The following SLC44A5 variants were observed in gnomAD, a reference collection of about 807,000 sequenced individuals.
The protein encoded by SLC44A5 is solute carrier family 44 member 5.
SLC44A5 carries 57 observed loss-of-function variants against 101.8 expected under a neutral mutation model. The observed-to-expected ratio is 0.56, with a 90% CI of 0.45 to 0.70. The LOEUF (loss-of-function observed/expected upper bound fraction) is 0.70. Ranked by LOEUF, SLC44A5 falls within the 30% of genes least tolerant of loss-of-function variation. The pLI is 0.00. For missense variants in SLC44A5, 737 were observed against 853.1 expected, an observed-to-expected ratio of 0.86 and a Z score of 1.70; for synonymous variants, 281 against 290.9, an observed-to-expected ratio of 0.97 and a Z score of 0.35.
At chr1:75,526,297 C>G (rs994537437) in intron 2 of SLC44A5, among the ~76,000 whole-genome samples, 1 of 152,230 alleles carries the variant, frequency 6.6e-6, no homozygotes, top group Admixed American at 6.5e-5. Context: ...CAGTAACTAA[C>G]TTCCTTCTAG....
At chr1:75,647,828 A>G in the SLC44A5 span, among the ~76,000 whole-genome samples, 1 of 152,214 alleles carries the variant, frequency 6.6e-6, no homozygotes, top group African/African-American at 2.4e-5. Flanking sequence ...GTACCTTGGA[A>G]GTAACTAACT....
At chr1:75,403,406 T>C (rs1048867333) in intron 2 of SLC44A5, among the ~76,000 whole-genome samples, 64 of 152,266 alleles carry the variant, frequency 4.2e-4, no homozygotes, top group African/African-American at 1.3e-3. Flanking sequence ...GACTGGGAGA[T>C]ACCTCCCAGC....
At chr1:75,270,599 C>T (rs955660352) in intron 6 of SLC44A5, among the ~76,000 whole-genome samples, 11 of 151,962 alleles carry the variant, frequency 7.2e-5, no homozygotes, top group African/African-American at 2.7e-4. Flanking sequence ...ATGTTATTTT[C>T]AGGGCGAGGA....
chr1:75,696,316 C>T, the SLC44A5 span, among the ~76,000 whole-genome samples: 1 of 152,124 alleles, frequency 6.6e-6, no homozygotes, highest in African/African-American at 2.4e-5. Flanking sequence ...CACACGACCA[C>T]ACTCCTAAGG....
intron 2 of SLC44A5, among the ~76,000 whole-genome samples, chr1:75,514,651 G>A (rs746842857): frequency 1.3e-5 from 2 of 152,208 alleles, no homozygotes; most frequent in Admixed American, 6.5e-5. Context: ...GGTTGCACCA[G>A]CTAAGCAGTT....
intron 7 of SLC44A5, among the ~76,000 whole-genome samples, chr1:75,244,379 T>C (rs666397): frequency 0.73 from 111,027 of 151,894 alleles, 40,749 homozygotes; most frequent in East Asian, 0.93. Flanking sequence ...TTAATATTGC[T>C]TGTGTAGTCA....
At chr1:75,534,596 T>C (rs961280536) in intron 2 of SLC44A5, among the ~76,000 whole-genome samples, 2 of 152,232 alleles carry the variant, frequency 1.3e-5, no homozygotes, top group African/African-American at 2.4e-5. Flanking sequence ...AAACCTAGAA[T>C]GTGTCATGAC....
chr1:75,604,191 A>G (rs1675183531), intron 1 of SLC44A5, among the ~76,000 whole-genome samples: 1 of 152,108 alleles, frequency 6.6e-6, no homozygotes, highest in Non-Finnish European at 1.5e-5. Flanking sequence ...ATTTTTCCAT[A>G]TCAAACAAGG....
intron 3 of SLC44A5, among the ~76,000 whole-genome samples, chr1:75,348,966 G>A (rs1172046053): frequency 6.6e-6 from 1 of 152,180 alleles, no homozygotes; most frequent in East Asian, 1.9e-4. Context: ...ATTAGACACA[G>A]CTGAAGAGAC....
chr1:75,363,351 G>C (rs1242830517), intron 3 of SLC44A5, among the ~76,000 whole-genome samples: 1 of 151,558 alleles, frequency 6.6e-6, no homozygotes, highest in Non-Finnish European at 1.5e-5. Flanking sequence ...GTTATTTTTG[G>C]TTGTTTTGTA....
At chr1:75,330,250 A>G (rs951038161) in intron 4 of SLC44A5, among the ~76,000 whole-genome samples, 1 of 151,074 alleles carries the variant, frequency 6.6e-6, no homozygotes, top group East Asian at 2.0e-4. Flanking sequence ...CCCATTCCCA[A>G]AATGTGTGCT....
At chr1:75,297,365 A>C (rs1454439826) in intron 5 of SLC44A5, among the ~76,000 whole-genome samples, 3 of 152,186 alleles carry the variant, frequency 2.0e-5, no homozygotes, top group Non-Finnish European at 2.9e-5. Flanking sequence ...GCTCACTGCA[A>C]CATCTGCCTC....
At chr1:75,626,191 G>A in the SLC44A5 span, among the ~76,000 whole-genome samples, 42,270 of 152,024 alleles carry the variant, frequency 0.28, 7,060 homozygotes, top group East Asian at 0.81. Context: ...ATTTTGCTCC[G>A]TCAATGTAAA....
intron 5 of SLC44A5, among the ~76,000 whole-genome samples, chr1:75,297,524 A>G (rs1654057897): frequency 1.3e-5 from 2 of 152,226 alleles, no homozygotes; most frequent in Admixed American, 6.5e-5. Context: ...AGCTCAAGCT[A>G]TCAGCCAGCC....
chr1:75,605,279 A>T (rs1675255992), intron 1 of SLC44A5, among the ~76,000 whole-genome samples: 1 of 152,078 alleles, frequency 6.6e-6, no homozygotes, highest in Admixed American at 6.6e-5. Context: ...TTCAACAAGC[A>T]CTTAGGACCT....
intron 4 of SLC44A5, among the ~76,000 whole-genome samples, chr1:75,320,221 GAAAAAATAA>G (rs1316809154): frequency 2.6e-5 from 4 of 151,558 alleles, no homozygotes; most frequent in Non-Finnish European, 5.9e-5. Context: ...CCAGATCTTT[GAAAAAATAA>G]TAGAGAATGG....
intron 6 of SLC44A5, among the ~76,000 whole-genome samples, chr1:75,264,760 A>T (rs1301067116): frequency 6.6e-6 from 1 of 152,146 alleles, no homozygotes; most frequent in African/African-American, 2.4e-5. Context: ...CAAAATTAGT[A>T]GAAGTAAATA....
intron 12 of SLC44A5, among the ~76,000 whole-genome samples, chr1:75,230,249 T>G (rs952381894): frequency 3.5e-5 from 4 of 114,622 alleles, no homozygotes; most frequent in Non-Finnish European, 8.0e-5. Context: ...AATGAATGAA[T>G]TCACTTTTTT....
rs542507723 is a variant in SLC44A5 at position 75,457,463 on chromosome 1, A to G, written c.14-60842T>C. On this transcript the variant is annotated intron_variant, in intron 2 of 23. Coordinates refer to ENST00000370859, the MANE Select transcript of SLC44A5 (RefSeq NM_001130058.2). The stretch of plus-strand genomic sequence containing the variant: ...CAGTCTTAAAGAATAATAATAACTA[A>G]CCCCACAGAGAAACAGGGGAAAAAG... Among the ~76,000 whole-genome samples the G allele has an allele frequency of 1.1e-4, 17 of 152,220 alleles. No homozygotes were observed. The East Asian group carries it at 3.3e-3, about 29-fold the overall frequency.
Sources: allele counts gnomAD v4.1 joint callset (sites outside exome capture counted in the v4.1 genomes callset), GRCh38; gene constraint gnomAD v4.1.1; transcripts MANE v1.5; gene names NCBI Gene and HGNC (gene_info 2026-07-23, HGNC 2026-07-21).